The following KDM4C variants were observed in gnomAD, a reference collection of about 807,000 sequenced individuals.
KDM4C encodes the protein lysine-specific demethylase 4C.
In KDM4C, 81 loss-of-function variants were observed where a neutral mutation model predicts 129.3. The ratio of observed to expected loss-of-function variants is 0.63; its 90% CI spans 0.52 to 0.75. The LOEUF (loss-of-function observed/expected upper bound fraction) is 0.75, where lower values mean the gene tolerates loss of function less well. KDM4C is among the 30% of genes least tolerant of loss of function. The probability of loss-of-function intolerance (pLI) is 0.00; values close to 1 mark genes in which losing one functional copy is unlikely to be tolerated. For missense variants in KDM4C, 1,457 were observed against 1,304.0 expected (o/e 1.12, Z -1.81); for synonymous variants, 573 against 456.1 (o/e 1.26, Z -3.26).
At chr9:6,883,920 TA>T (rs766130230) in intron 6 of KDM4C, among the ~76,000 whole-genome samples, 1 of 151,820 alleles carries the variant, frequency 6.6e-6, no homozygotes, top group African/African-American at 2.4e-5. Context: ...AGGAATGCAG[TA>T]AAAAAAACCC....
At chr9:6,742,257 G>A (rs752316889) in intron 1 of KDM4C, among the ~76,000 whole-genome samples, 67 of 150,904 alleles carry the variant, frequency 4.4e-4, no homozygotes, top group Non-Finnish European at 2.9e-4. Context: ...CTCGTCATCC[G>A]CCCGCCTTGG....
Position 7,011,875 on chromosome 9 carries a change from A to T in KDM4C, c.1964A>T (p.His655Leu). ...ATCTGCACTCTGCTCATGCCGTACC[A>T]CAAGGTAAAGGAGCCTGCTATCATA... The part of the protein sequence containing the change: ...CAICTLLMPY[H>L]KPDSSNEEND... Residue 655 changes from histidine (H) to leucine (L), a missense_variant, in exon 13 of 22, where the codon CAC (histidine) becomes CTC (leucine). By Grantham distance (99) the His-to-Leu change is moderately conservative (BLOSUM62 -3). Transcript: ENST00000381309. 6.2e-7 allele frequency: 1 copy of T among 1,613,052 alleles called. No individual in the cohort carries two copies. Among genetic ancestry groups the T allele is most frequent in the Non-Finnish European group, 8.5e-7 (1 of 1,179,598 alleles).
chr9:6,805,963 T>C (rs1224622254), intron 3 of KDM4C, among the ~76,000 whole-genome samples, 189 bp downstream of exon 3: 2 of 152,228 alleles, frequency 1.3e-5, no homozygotes, highest in Non-Finnish European at 2.9e-5. Flanking sequence ...AAGAAATTGC[T>C]CTTTATTTTA....
intron 15 of KDM4C, among the ~76,000 whole-genome samples, chr9:7,025,261 A>G (rs1304156540): frequency 6.6e-6 from 1 of 152,072 alleles, no homozygotes; most frequent in African/African-American, 2.4e-5. Context: ...TTTATAAGTG[A>G]AATGTGTTTC....
At chr9:6,784,144 C>T (rs7037259) in intron 1 of KDM4C, among the ~76,000 whole-genome samples, 94,734 of 151,808 alleles carry the variant, frequency 0.62, 29,977 homozygotes, top group African/African-American at 0.72. Flanking sequence ...TAGTGGCTTA[C>T]TGGATCCCCA....
intron 18 of KDM4C, among the ~76,000 whole-genome samples, chr9:7,127,178 G>A (rs7869997): frequency 0.02 from 3,040 of 152,250 alleles, 90 homozygotes; most frequent in African/African-American, 0.069. Flanking sequence ...CACCATTGCA[G>A]TAAAGATTAT....
intron 8 of KDM4C, among the ~76,000 whole-genome samples, chr9:6,917,260 G>A (rs1820483052): frequency 7.5e-6 from 1 of 133,014 alleles, no homozygotes; most frequent in African/African-American, 2.8e-5. Flanking sequence ...TTTCAGGCAT[G>A]CCTTCCTCTG....
chr9:7,141,838 T>C lies in KDM4C; in HGVS notation c.2781+13602T>C, dbSNP rs146749138. Among the ~76,000 whole-genome samples the C allele has an allele frequency of 5.3e-5, 8 of 152,196 alleles. No homozygotes were observed. The East Asian group carries it at 1.5e-3, about 29-fold the overall frequency. ...TTTCTTTTACATAGAATGTAAGGGA[T>C]GCTGAGTGAAAAGTCCCATGCCTCA... On this transcript the variant is annotated intron_variant, in intron 19 of 21. Coordinates refer to ENST00000381309, the MANE Select transcript of KDM4C (RefSeq NM_015061.6).
At chr9:6,817,337 G>C (rs1832304163) in intron 4 of KDM4C, among the ~76,000 whole-genome samples, 1 of 151,758 alleles carries the variant, frequency 6.6e-6, no homozygotes, top group Non-Finnish European at 1.5e-5. Flanking sequence ...ATGTAGCTGG[G>C]ACTACCTGCA....
At chr9:6,806,367 G>C (rs1012273536) in intron 3 of KDM4C, among the ~76,000 whole-genome samples, 1 of 152,028 alleles carries the variant, frequency 6.6e-6, no homozygotes, top group Non-Finnish European at 1.5e-5. Context: ...GGTGGCACGT[G>C]CCTGTAATCC....
rs528247214 is a variant in KDM4C at position 7,048,202 on chromosome 9, G to A, written c.2316-890G>A. Among the ~76,000 whole-genome samples the A allele has an allele frequency of 2.6e-5, 4 of 152,060 alleles. No individual in the cohort carries two copies. The Middle Eastern group carries it at 0.014, about 517-fold the overall frequency. ...GGGTGATAAGACGTTCTCTTCCTAT[G>A]CTTGGACCACAACAAAAAGAAATAG... is the stretch of plus-strand genomic sequence containing the variant. On this transcript the variant is annotated intron_variant, in intron 16 of 21. Coordinates refer to ENST00000381309, the MANE Select transcript of KDM4C (RefSeq NM_015061.6).
rs1185706921 is a variant in KDM4C, at chr9:7,011,810, G to C, written c.1899G>C (p.Glu633Asp). Residue 633 changes from glutamate to aspartate, a missense_variant, in exon 13 of 22, where the codon GAG becomes GAC. By Grantham distance (45) the Glu-to-Asp change is conservative (BLOSUM62 2). Coordinates refer to ENST00000381309, the MANE Select transcript of KDM4C (RefSeq NM_015061.6). ...CCCCTAACTTCGCAGCTGAGCAAGA[G>C]TATAATGCAACAGTGGCCAGGATGA... ...TKSPNFAAEQ[E>D]YNATVARMKP... is the part of the protein sequence containing the mutation. 6.2e-7 allele frequency: 1 copy of C among 1,614,134 alleles called. No homozygotes were observed. The highest frequency in any genetic ancestry group is 8.5e-7 in the Non-Finnish European group (1 of 1,180,012).
intron 8 of KDM4C, among the ~76,000 whole-genome samples, chr9:6,936,322 A>G (rs1589195520): frequency 6.6e-6 from 1 of 152,376 alleles, no homozygotes; most frequent in East Asian, 1.9e-4. Flanking sequence ...AAAATTATAT[A>G]TGCTAAAATC....
intron 1 of KDM4C, among the ~76,000 whole-genome samples, chr9:6,764,828 G>A (rs58001441): frequency 0.15 from 22,621 of 152,014 alleles, 1,983 homozygotes; most frequent in East Asian, 0.4. Context: ...TATTAATTTG[G>A]CATCTCTACT....
chr9:6,897,819 A>G (rs904180831), intron 8 of KDM4C, among the ~76,000 whole-genome samples: 1 of 152,374 alleles, frequency 6.6e-6, no homozygotes, highest in Non-Finnish European at 1.5e-5. Flanking sequence ...GAATGTTGGC[A>G]TAACAGAGTG....
intron 17 of KDM4C, among the ~76,000 whole-genome samples, chr9:7,098,394 A>G (rs1278670580): frequency 6.6e-6 from 1 of 152,216 alleles, no homozygotes; most frequent in Admixed American, 6.5e-5. Context: ...TACCTTATTT[A>G]TGATAAGGAT....
At chr9:7,022,530 T>C (rs1035016332) in intron 15 of KDM4C, among the ~76,000 whole-genome samples, 1 of 152,196 alleles carries the variant, frequency 6.6e-6, no homozygotes, top group African/African-American at 2.4e-5. Flanking sequence ...TTATCAGTTC[T>C]AGTAGTTTTT....
chr9:7,069,974 A>G (rs770284798), intron 17 of KDM4C, among the ~76,000 whole-genome samples: 2 of 152,262 alleles, frequency 1.3e-5, no homozygotes, highest in Non-Finnish European at 2.9e-5. Flanking sequence ...TATTTTTAAA[A>G]GAGAGGTACA....
At chr9:7,058,487 A>G (rs1303994969) in intron 17 of KDM4C, among the ~76,000 whole-genome samples, 2 of 152,180 alleles carry the variant, frequency 1.3e-5, no homozygotes, top group African/African-American at 2.4e-5. Context: ...AACTCTCAAA[A>G]TTCTTGAAGA....
Sources: gnomAD v4.1 joint callset for allele counts (sites outside exome capture counted in the v4.1 genomes callset) on GRCh38, gnomAD v4.1.1 for gene constraint, MANE v1.5 for transcripts, NCBI Gene and HGNC (gene_info 2026-07-23, HGNC 2026-07-21) for gene names.